Variants in CLEC6A observed in about 807,000 individuals in gnomAD.
The protein encoded by CLEC6A is C-type lectin domain containing 6A, also known as C-type lectin domain family 6 member A.
Under a neutral mutation model 25.7 loss-of-function variants are expected in CLEC6A, and 22 were observed. That is an observed-to-expected ratio of 0.85 (90% CI 0.61 to 1.22). The LOEUF (loss-of-function observed/expected upper bound fraction) is 1.22. CLEC6A is among the 50% of genes most tolerant of loss of function. The probability of loss-of-function intolerance (pLI) is 0.00; values close to 1 mark genes in which losing one functional copy is unlikely to be tolerated. For synonymous variants in CLEC6A, 92 were observed against 76.7 expected, an observed-to-expected ratio of 1.20 and a Z score of -1.04; for missense variants, 240 against 236.8, an observed-to-expected ratio of 1.01 and a Z score of -0.09.
At chr12:8,467,146 TC>T (rs780245118) in intron 4 of CLEC6A, among the ~76,000 whole-genome samples, 8 of 152,210 alleles carry the variant, frequency 5.3e-5, no homozygotes, top group Non-Finnish European at 1.2e-4. Context: ...CCTTAGGCTG[TC>T]TTTTCCTTAG....
intron 2 of CLEC6A, among the ~76,000 whole-genome samples, chr12:8,458,484 A>T (rs4388969): frequency 0.74 from 112,177 of 151,988 alleles, 42,092 homozygotes; most frequent in East Asian, 0.99. Flanking sequence ...CTCCAAATAC[A>T]TGTCTCAAGT....
Position 8,465,595 on chromosome 12 carries a change from C to A in CLEC6A, c.335C>A (p.Ala112Glu), listed in dbSNP as rs1939819754. 1 of 1,613,644 alleles carries A rather than the reference C, an allele frequency of 6.2e-7. No individual in the cohort carries two copies. The change falls in exon 4 of 6, where the codon GCA (alanine) becomes GAA (glutamate). Residue 112 changes from alanine (A) to glutamate (E), a missense_variant. Coordinates refer to ENST00000382073, the MANE Select transcript of CLEC6A (RefSeq NM_001007033.2). ...GAGCAGAACTGTGTTGAGATGGGAGCACATTTGGTTGTGTTCAACACAGAA... is the reference window on the plus strand; with the variant it reads ...GAGCAGAACTGTGTTGAGATGGGAGAACATTTGGTTGTGTTCAACACAGAA... ...KSEQNCVEMGAHLVVFNTEAE... is the reference protein window; with the variant it reads ...KSEQNCVEMGEHLVVFNTEAE...
intron 3 of CLEC6A, among the ~76,000 whole-genome samples, chr12:8,462,390 C>A (rs7303948): frequency 0.71 from 80,348 of 113,146 alleles, 28,598 homozygotes; most frequent in East Asian, 0.96. Flanking sequence ...AAGAGGAAGG[C>A]ATGCCTCTTT....
chr12:8,461,105 G>A, intron 3 of CLEC6A: 6 of 1,595,214 alleles, frequency 3.8e-6, no homozygotes, highest in South Asian at 1.1e-5. Flanking sequence ...GAGATGTGTG[G>A]GCTGACATCT....
chr12:8,464,466 C>T (rs1467698221), intron 3 of CLEC6A, among the ~76,000 whole-genome samples: 1 of 151,896 alleles, frequency 6.6e-6, no homozygotes, highest in Non-Finnish European at 1.5e-5. Context: ...AGTGCTGGGA[C>T]TAAAGGCGTC....
At chr12:8,459,779 T>C (rs887858568) in intron 3 of CLEC6A, 81 bp downstream of exon 3, 2 of 857,350 alleles carry the variant, frequency 2.3e-6, no homozygotes, top group Admixed American at 1.8e-5. Flanking sequence ...GTGTATTCTA[T>C]TGTGCATTTG....
At chr12:8,465,000 C>G (rs766634357) in intron 3 of CLEC6A, among the ~76,000 whole-genome samples, 1 of 152,244 alleles carries the variant, frequency 6.6e-6, no homozygotes, top group South Asian at 2.1e-4. Flanking sequence ...CATTGAGGCT[C>G]AAGAAGGTTA....
intron 3 of CLEC6A, among the ~76,000 whole-genome samples, chr12:8,462,747 G>A (rs975222598): frequency 1.3e-5 from 2 of 151,962 alleles, no homozygotes; most frequent in African/African-American, 4.8e-5. Flanking sequence ...GGAACTCAGA[G>A]GCTGGCGGGA....
intron 3 of CLEC6A, among the ~76,000 whole-genome samples, chr12:8,462,348 C>T (rs372784162): frequency 5.0e-5 from 7 of 138,852 alleles, no homozygotes; most frequent in African/African-American, 1.3e-4. Context: ...GCCTGACACC[C>T]GTAAAGGGTC....
intron 4 of CLEC6A, among the ~76,000 whole-genome samples, chr12:8,466,187 A>C (rs1039490212): frequency 6.6e-6 from 1 of 152,238 alleles, no homozygotes; most frequent in African/African-American, 2.4e-5. Context: ...TACCACAATC[A>C]AGCTAATTAA....
At chr12:8,462,146 A>G (rs1939765144) in intron 3 of CLEC6A, among the ~76,000 whole-genome samples, 1 of 152,000 alleles carries the variant, frequency 6.6e-6, no homozygotes, top group African/African-American at 2.4e-5. Flanking sequence ...TGCTTTGTTA[A>G]ACAGATGCTT....
chr12:8,469,005 G>C (rs990140881), intron 4 of CLEC6A, among the ~76,000 whole-genome samples: 1 of 152,166 alleles, frequency 6.6e-6, no homozygotes, highest in Non-Finnish European at 1.5e-5. Context: ...AACAATTGCT[G>C]TTTGCTGATG....
intron 4 of CLEC6A, among the ~76,000 whole-genome samples, chr12:8,470,504 C>T (rs1380742806): frequency 2.6e-5 from 4 of 151,972 alleles, no homozygotes; most frequent in African/African-American, 9.7e-5. Context: ...CAGCACAATT[C>T]ACAATTGAAA....
intron 3 of CLEC6A, among the ~76,000 whole-genome samples, 190 bp downstream of exon 3, chr12:8,459,888 T>C (rs12302015): frequency 0.74 from 111,642 of 151,480 alleles, 41,817 homozygotes; most frequent in East Asian, 0.99. Context: ...CAGAATAATT[T>C]CTTCATCACA....
intron 5 of CLEC6A, among the ~76,000 whole-genome samples, chr12:8,476,731 A>AT (rs1228957555): frequency 6.6e-5 from 10 of 152,218 alleles, no homozygotes; most frequent in African/African-American, 2.4e-4. Flanking sequence ...TAGGGACCTT[A>AT]TTATAATTCC....
At chr12:8,462,819 C>G (rs980087691) in intron 3 of CLEC6A, among the ~76,000 whole-genome samples, 1 of 152,046 alleles carries the variant, frequency 6.6e-6, no homozygotes, top group Non-Finnish European at 1.5e-5. Context: ...TACTTTGTCT[C>G]TGTGTCTTTT....
chr12:8,458,999 G>A (rs893073091), intron 2 of CLEC6A, among the ~76,000 whole-genome samples: 2 of 152,086 alleles, frequency 1.3e-5, no homozygotes, highest in Admixed American at 6.5e-5. Context: ...CCCCTTGGTG[G>A]TTACTTAGCC....
Position 8,465,554 on chromosome 12 carries a change from G to T in CLEC6A, c.294G>T (p.Lys98Asn), listed in dbSNP as rs778349455. The T allele has an allele frequency of 6.2e-7, 1 of 1,614,002 alleles. No homozygotes were observed. The highest frequency in any genetic ancestry group is 1.7e-4 in the Middle Eastern group (1 of 6,060). Reference sequence around the variant, plus strand: ...GCTACTTCATTTCCAGTGAAGAGAAGGTTTGGTCTAAGAGTGAGCAGAACT... The same window carrying T: ...GCTACTTCATTTCCAGTGAAGAGAATGTTTGGTCTAAGAGTGAGCAGAACT... ...SSCYFISSEE[K>N]VWSKSEQNCV... The change falls in exon 4 of 6, where the codon AAG becomes AAT. Residue 98 changes from lysine to asparagine, a missense_variant. Coordinates refer to ENST00000382073, the MANE Select transcript of CLEC6A (RefSeq NM_001007033.2).
chr12:8,472,475 G>A (rs1362137179), intron 4 of CLEC6A, among the ~76,000 whole-genome samples: 1 of 152,174 alleles, frequency 6.6e-6, no homozygotes, highest in East Asian at 1.9e-4. Context: ...TTCCAAGAGA[G>A]ATGCTTAGAG....
Sources: gnomAD v4.1 joint callset for allele counts (sites outside exome capture counted in the v4.1 genomes callset) on GRCh38, gnomAD v4.1.1 for gene constraint, MANE v1.5 for transcripts, NCBI Gene and HGNC (gene_info 2026-07-23, HGNC 2026-07-21) for gene names.